Variants in LRBA observed in about 807,000 individuals in gnomAD.
The protein encoded by LRBA is LPS responsive beige-like anchor protein.
Under a neutral mutation model 330.0 loss-of-function variants are expected in LRBA, and 176 were observed. The observed-to-expected ratio is 0.53, with a 90% CI of 0.47 to 0.60. The LOEUF (loss-of-function observed/expected upper bound fraction) is 0.60. Ranked by LOEUF, LRBA falls within the 20% of genes least tolerant of loss-of-function variation. The pLI is 0.00. For synonymous variants in LRBA, 1,230 were observed against 1,193.0 expected (o/e 1.03, Z -0.64); for missense variants, 3,259 against 3,444.8 (o/e 0.95, Z 1.35).
At chr4:150,930,828 A>C (rs1734409712) in intron 2 of LRBA, among the ~76,000 whole-genome samples, 1 of 152,212 alleles carries the variant, frequency 6.6e-6, no homozygotes. Context: ...ACTACCAAGC[A>C]GTGTTAGGAG....
At chr4:150,615,499 G>A (rs1197083183) in intron 37 of LRBA, among the ~76,000 whole-genome samples, 2 of 152,058 alleles carry the variant, frequency 1.3e-5, no homozygotes, top group Non-Finnish European at 2.9e-5. Flanking sequence ...ATATATTGAA[G>A]GTTGAGTCAA....
At chr4:150,856,410 G>T (rs1751239421) in intron 22 of LRBA, among the ~76,000 whole-genome samples, 1 of 151,768 alleles carries the variant, frequency 6.6e-6, no homozygotes, top group Admixed American at 6.6e-5. Context: ...CTTCCTCTTT[G>T]TATTATTCTC....
At chr4:150,954,061 G>T (rs1251156282) in intron 2 of LRBA, among the ~76,000 whole-genome samples, 3 of 149,148 alleles carry the variant, frequency 2.0e-5, no homozygotes, top group African/African-American at 7.4e-5. Flanking sequence ...ACCCCGTCTG[G>T]GAAGTGAGAA....
At chr4:150,366,242 A>T (rs1301915483) in intron 47 of LRBA, among the ~76,000 whole-genome samples, 1 of 152,184 alleles carries the variant, frequency 6.6e-6, no homozygotes, top group Non-Finnish European at 1.5e-5. Flanking sequence ...TTAGAATACT[A>T]TAAAATATGA....
In LRBA at chr4:150,265,444, T is replaced by C. The variant is rs1431661577; in HGVS notation, c.*278A>G. 2.2e-5 allele frequency: 6 copies of C among 270,086 alleles called. No individual in the cohort carries two copies. The highest frequency in any genetic ancestry group is 4.4e-5 in the Non-Finnish European group (6 of 137,738). The allele number at this position is 270,086 out of a possible 1,614,324, so 16.7% of individuals were successfully genotyped here. A position where few individuals can be genotyped will look rare whatever the true frequency, so the allele number is the denominator to read the frequency against. On this transcript the variant is annotated 3_prime_UTR_variant, in exon 57 of 57. Coordinates refer to ENST00000651943, the MANE Select transcript of LRBA (RefSeq NM_001364905.1). ...TAGCTGGAATAAGTGGTTTACTTGC[T>C]CCACTGTATGTTTCCATAATTGGTG...
At chr4:150,450,319 A>C (rs1264817161) in intron 44 of LRBA, among the ~76,000 whole-genome samples, 4 of 152,198 alleles carry the variant, frequency 2.6e-5, no homozygotes, top group Non-Finnish European at 4.4e-5. Flanking sequence ...AAAACAATAT[A>C]AACTTATTGC....
intron 37 of LRBA, among the ~76,000 whole-genome samples, chr4:150,618,211 T>A (rs2126613267): frequency 6.6e-6 from 1 of 152,332 alleles, no homozygotes; most frequent in African/African-American, 2.4e-5. Flanking sequence ...GTTGAAAGTT[T>A]ACTTTTCATT....
chr4:150,673,443 T>C (rs1266235607), intron 37 of LRBA, among the ~76,000 whole-genome samples: 2 of 152,146 alleles, frequency 1.3e-5, no homozygotes, highest in East Asian at 1.9e-4. Flanking sequence ...GGAAAACTCA[T>C]AACAGGAATT....
At chr4:150,377,583 A>G (rs1273662835) in intron 47 of LRBA, among the ~76,000 whole-genome samples, 2 of 152,120 alleles carry the variant, frequency 1.3e-5, no homozygotes, top group Admixed American at 6.6e-5. Flanking sequence ...ACTGACTACT[A>G]CAAGTCTTTC....
chr4:150,852,978 A>G (rs1579000496), intron 22 of LRBA, 35 bp from the exon 23 acceptor site: 8 of 1,286,820 alleles, frequency 6.2e-6, no homozygotes, highest in Non-Finnish European at 7.4e-6. Flanking sequence ...TAAAATATGC[A>G]TGAGAAATGA....
intron 35 of LRBA, among the ~76,000 whole-genome samples, chr4:150,756,027 C>T (rs1206890148): frequency 3.5e-5 from 5 of 143,894 alleles, no homozygotes; most frequent in South Asian, 2.2e-4. Context: ...GCCTGGGCAA[C>T]AGAGCAAGAC....
At position 150,936,604 on chromosome 4, in the gene LRBA, A is replaced by G. The variant is rs77781497; in HGVS notation, c.217-7539T>C. Among the ~76,000 whole-genome samples the G allele has an allele frequency of 4.1e-3, 622 of 152,176 alleles. 6 individuals are homozygous for G. The highest frequency in any genetic ancestry group is 0.014 in the African/African-American group (595 of 41,578). ...GTAATTCCATAATTATATAATGATT[A>G]TAACTTCAAAATAACTTTTTAGTGA... is the stretch of plus-strand genomic sequence containing the variant. On this transcript the variant is annotated intron_variant, in intron 2 of 56. Coordinates refer to ENST00000651943, the MANE Select transcript of LRBA (RefSeq NM_001364905.1).
chr4:150,455,857 C>T (rs1753991427), intron 44 of LRBA, among the ~76,000 whole-genome samples: 2 of 152,024 alleles, frequency 1.3e-5, no homozygotes, highest in Admixed American at 1.3e-4. Context: ...TCCTTCTACT[C>T]TCTATCTCCA....
At chr4:150,502,291 C>T (rs926463761) in intron 40 of LRBA, among the ~76,000 whole-genome samples, 1 of 152,196 alleles carries the variant, frequency 6.6e-6, no homozygotes, top group Non-Finnish European at 1.5e-5. Context: ...TAGCTCTAGA[C>T]TTAATGCTGC....
In LRBA at chr4:150,559,660, A is replaced by C. The variant is rs1290614256; in HGVS notation, c.6330+28388T>G. Reference sequence around the variant, plus strand: ...TATTTATATAATATAATATATAATTATAATATATATATTATATAATATATT... The same window carrying C: ...TATTTATATAATATAATATATAATTCTAATATATATATTATATAATATATT... On this transcript the variant is annotated intron_variant, in intron 40 of 56. Coordinates refer to ENST00000651943, the MANE Select transcript of LRBA (RefSeq NM_001364905.1). Among the ~76,000 whole-genome samples the C allele has an allele frequency of 6.9e-5, 6 of 86,604 alleles. No individual in the cohort carries two copies. The East Asian group carries it at 1.7e-3, about 25-fold the overall frequency. 56.8% of individuals were successfully genotyped at this position (86,604 alleles called of 152,430 possible).
chr4:150,320,257 G>A (rs1732304350), intron 50 of LRBA, among the ~76,000 whole-genome samples: 1 of 152,102 alleles, frequency 6.6e-6, no homozygotes, highest in Admixed American at 6.6e-5. Context: ...GTCCTCACTG[G>A]CAAAACATGG....
Position 150,264,641 on chromosome 4 carries a change from G to A in LRBA, c.*1081C>T, listed in dbSNP as rs1745078104. 6.6e-6 allele frequency: 1 copy of A among 152,610 alleles called. No individual in the cohort carries two copies. The highest frequency in any genetic ancestry group is 1.5e-5 in the Non-Finnish European group (1 of 68,042). The allele number at this position is 152,610 out of a possible 1,614,324, so 9.5% of individuals were successfully genotyped here. ...AGGGACCACTTGAAGTCTGTTGCAA[G>A]AGAAATAGAGATCAAAGTTCACAAC... On this transcript the variant is annotated 3_prime_UTR_variant, in exon 57 of 57. Coordinates refer to ENST00000651943, the MANE Select transcript of LRBA (RefSeq NM_001364905.1).
At chr4:150,906,135 A>T in intron 12 of LRBA, 145 bp from the exon 13 acceptor site, 2 of 815,652 alleles carry the variant, frequency 2.5e-6, no homozygotes, top group Non-Finnish European at 4.0e-6. Flanking sequence ...TTTGTTTGAT[A>T]GAGGAATGGA....
intron 37 of LRBA, among the ~76,000 whole-genome samples, chr4:150,644,968 A>G (rs1204895854): frequency 1.3e-5 from 2 of 151,742 alleles, no homozygotes; most frequent in African/African-American, 4.8e-5. Flanking sequence ...GGAATTTATC[A>G]TGTTTTATCG....
Sources: allele counts gnomAD v4.1 joint callset (sites outside exome capture counted in the v4.1 genomes callset), GRCh38; gene constraint gnomAD v4.1.1; transcripts MANE v1.5; gene names NCBI Gene and HGNC (gene_info 2026-07-23, HGNC 2026-07-21).